Variants in GABRG3 observed in about 807,000 individuals in gnomAD.
The protein encoded by GABRG3 is gamma-aminobutyric acid receptor subunit gamma-3.
Under a neutral mutation model 48.8 loss-of-function variants are expected in GABRG3, and 25 were observed. The ratio of observed to expected loss-of-function variants is 0.51; its 90% CI spans 0.37 to 0.72. The LOEUF (loss-of-function observed/expected upper bound fraction) is 0.72. Ranked by LOEUF, GABRG3 falls within the 30% of genes least tolerant of loss-of-function variation. The pLI is 0.00. For missense variants in GABRG3, 394 were observed against 577.9 expected, an observed-to-expected ratio of 0.68 and a Z score of 3.26; for synonymous variants, 227 against 217.6, an observed-to-expected ratio of 1.04 and a Z score of -0.38.
intron 5 of GABRG3, among the ~76,000 whole-genome samples, chr15:27,477,905 G>A (rs1197522374): frequency 1.3e-5 from 2 of 152,054 alleles, no homozygotes; most frequent in South Asian, 2.1e-4. Context: ...AATTAGCTGG[G>A]CATGGTGGCA....
At chr15:27,174,057 C>T (rs1380627105) in intron 3 of GABRG3, among the ~76,000 whole-genome samples, 2 of 151,992 alleles carry the variant, frequency 1.3e-5, no homozygotes, top group African/African-American at 4.8e-5. Flanking sequence ...CATTTTGCTC[C>T]TACATACTTG....
intron 3 of GABRG3, among the ~76,000 whole-genome samples, chr15:27,140,745 A>G (rs1323132464): frequency 1.3e-5 from 2 of 151,896 alleles, no homozygotes; most frequent in African/African-American, 2.4e-5. Flanking sequence ...TTATGTATGC[A>G]TTGACTTTCA....
At chr15:27,012,857 C>T (rs1211554893) in intron 2 of GABRG3, among the ~76,000 whole-genome samples, 1 of 152,138 alleles carries the variant, frequency 6.6e-6, no homozygotes, top group Non-Finnish European at 1.5e-5. Context: ...TCTAGCTCAC[C>T]AGTCATCCAC....
At chr15:26,973,710 C>T (rs1894886571) in intron 1 of GABRG3, among the ~76,000 whole-genome samples, 1 of 152,198 alleles carries the variant, frequency 6.6e-6, no homozygotes, top group South Asian at 2.1e-4. Context: ...GCCTTAACTG[C>T]TTTCTGAGGT....
In GABRG3 at chr15:26,977,179, G is replaced by GA. The variant is rs780838618; in HGVS notation, c.202+34dup. 9.4e-6 allele frequency: 15 copies of GA among 1,597,758 alleles called. No homozygotes were observed. The East Asian group carries it at 3.1e-4, about 33-fold the overall frequency. Reference sequence around the variant, plus strand: ...AGTGTTGTTTTTTGTTATTCTAATAGAAAAATATGCTGTAGTGATATGAAG... The same window carrying GA: ...AGTGTTGTTTTTTGTTATTCTAATAGAAAAAATATGCTGTAGTGATATGAAG... On this transcript the variant is annotated intron_variant, in intron 2 of 9. Coordinates refer to ENST00000615808, the MANE Select transcript of GABRG3 (RefSeq NM_033223.5).
At chr15:27,138,933 T>TTTTCTGTC (rs2140388258) in intron 3 of GABRG3, among the ~76,000 whole-genome samples, 1 of 152,276 alleles carries the variant, frequency 6.6e-6, no homozygotes, top group Non-Finnish European at 1.5e-5. Flanking sequence ...TTAGGAGCTT[T>TTTTCTGTC]TTTCTGTCTT....
intron 5 of GABRG3, among the ~76,000 whole-genome samples, chr15:27,437,662 A>G (rs1888660111): frequency 1.3e-5 from 2 of 152,276 alleles, no homozygotes; most frequent in Admixed American, 1.3e-4. Flanking sequence ...AAGATGCAGA[A>G]GTAAACACAG....
chr15:27,125,582 T>C (rs1897805893), intron 3 of GABRG3, among the ~76,000 whole-genome samples: 1 of 152,240 alleles, frequency 6.6e-6, no homozygotes, highest in South Asian at 2.1e-4. Context: ...GAAGTATCAC[T>C]CTGTATTCCA....
chr15:27,088,993 G>T (rs1332610946), intron 3 of GABRG3, among the ~76,000 whole-genome samples: 1 of 152,156 alleles, frequency 6.6e-6, no homozygotes, highest in Admixed American at 6.5e-5. Flanking sequence ...GGAGAGCCTG[G>T]GGGTGTCAGG....
intron 3 of GABRG3, among the ~76,000 whole-genome samples, chr15:27,031,237 G>A (rs1384925575): frequency 6.6e-6 from 1 of 152,014 alleles, no homozygotes. Flanking sequence ...TATGGATTTC[G>A]ACAAATGTCT....
At chr15:27,304,115 T>C (rs1027585619) in intron 3 of GABRG3, among the ~76,000 whole-genome samples, 2 of 151,916 alleles carry the variant, frequency 1.3e-5, no homozygotes, top group Admixed American at 6.6e-5. Flanking sequence ...GAAAATCTTA[T>C]AGCTAAGAAT....
rs141104586 is a variant in GABRG3 at position 27,226,834 on chromosome 15, T to C, written c.271-99975T>C. The stretch of plus-strand genomic sequence containing the variant: ...TGGCCATAGCCAGCATCTTATCTAG[T>C]ACTCACTTTACTCTCTGGAACAAAT... On this transcript the variant is annotated intron_variant, in intron 3 of 9. Transcript: ENST00000615808. 1.7e-4 allele frequency among the ~76,000 whole-genome samples: 26 copies of C among 152,310 alleles called. 1 individual carries two copies. The East Asian group carries it at 5.0e-3, about 29-fold the overall frequency.
At chr15:27,522,834 T>G (rs1174718540) in intron 7 of GABRG3, among the ~76,000 whole-genome samples, 2 of 151,882 alleles carry the variant, frequency 1.3e-5, no homozygotes, top group African/African-American at 4.8e-5. Context: ...AGAGGATAAA[T>G]TTTTAAAATC....
intron 2 of GABRG3, among the ~76,000 whole-genome samples, chr15:26,994,073 T>G (rs1030780244): frequency 4.6e-5 from 7 of 152,018 alleles, no homozygotes; most frequent in Admixed American, 2.6e-4. Flanking sequence ...ATCCCTTTAT[T>G]TTCAGTCTAT....
At chr15:27,315,210 G>A (rs2081391784) in intron 3 of GABRG3, among the ~76,000 whole-genome samples, 1 of 152,170 alleles carries the variant, frequency 6.6e-6, no homozygotes, top group African/African-American at 2.4e-5. Flanking sequence ...GTGAAGTTAT[G>A]TGCAACATCT....
At chr15:27,104,400 T>G (rs185581484) in intron 3 of GABRG3, among the ~76,000 whole-genome samples, 5 of 152,342 alleles carry the variant, frequency 3.3e-5, no homozygotes. Context: ...ATGTAGATGC[T>G]CCCTATCCAG....
chr15:27,206,531 A>T (rs952527206), intron 3 of GABRG3, among the ~76,000 whole-genome samples: 1 of 152,026 alleles, frequency 6.6e-6, no homozygotes, highest in Non-Finnish European at 1.5e-5. Flanking sequence ...ATATTTTGTT[A>T]TTGGGTGCAG....
chr15:27,267,163 A>G lies in GABRG3; in HGVS notation c.271-59646A>G, dbSNP rs1346967789. ...CTCTTGTTGCCCAGGCTGGAGTGCA[A>G]TGGCGTGATCTTGGCCCGCTGCAAC... On this transcript the variant is annotated intron_variant, in intron 3 of 9. Coordinates refer to ENST00000615808, the MANE Select transcript of GABRG3 (RefSeq NM_033223.5). Among the ~76,000 whole-genome samples, 4 of 143,080 alleles carry G rather than the reference A, an allele frequency of 2.8e-5. No individual in the cohort carries two copies. The East Asian group carries it at 8.4e-4, about 30-fold the overall frequency. 93.9% of individuals were successfully genotyped at this position (143,080 alleles called of 152,430 possible).
intron 3 of GABRG3, among the ~76,000 whole-genome samples, chr15:27,152,861 A>ATTT (rs1187163963): frequency 2.2e-5 from 3 of 139,020 alleles, no homozygotes; most frequent in Non-Finnish European, 4.7e-5. Flanking sequence ...TTTCGAGTTA[A>ATTT]TTTTTTTTTT....
Sources: allele counts gnomAD v4.1 joint callset (sites outside exome capture counted in the v4.1 genomes callset), GRCh38; gene constraint gnomAD v4.1.1; transcripts MANE v1.5; gene names NCBI Gene and HGNC (gene_info 2026-07-23, HGNC 2026-07-21).